Variants in STIM1 observed in about 807,000 individuals in gnomAD.
STIM1 encodes the protein stromal interaction molecule 1.
In STIM1, 25 loss-of-function variants were observed where a neutral mutation model predicts 74.7. The ratio of observed to expected loss-of-function variants is 0.33; its 90% CI spans 0.24 to 0.47. The LOEUF (loss-of-function observed/expected upper bound fraction) is 0.47. Ranked by LOEUF, STIM1 falls within the 20% of genes least tolerant of loss-of-function variation. STIM1 has a pLI of 1.00. For synonymous variants in STIM1, 328 were observed against 348.8 expected, an observed-to-expected ratio of 0.94 and a Z score of 0.66; for missense variants, 728 against 920.8, an observed-to-expected ratio of 0.79 and a Z score of 2.71.
chr11:3,865,604 A>G (rs553314658), intron 1 of STIM1, among the ~76,000 whole-genome samples: 38 of 152,172 alleles, frequency 2.5e-4, no homozygotes, highest in Non-Finnish European at 4.4e-4. Flanking sequence ...TATGCACCCT[A>G]TACCACTCTC....
chr11:4,009,817 A>T (rs1035797613), intron 2 of STIM1, among the ~76,000 whole-genome samples: 5 of 151,812 alleles, frequency 3.3e-5, no homozygotes, highest in Admixed American at 2.0e-4. Context: ...GTGGCTAGAT[A>T]TTTTTATTTT....
intron 1 of STIM1, among the ~76,000 whole-genome samples, chr11:3,866,003 T>G (rs1483706700): frequency 6.6e-6 from 1 of 152,182 alleles, no homozygotes; most frequent in Non-Finnish European, 1.5e-5. Flanking sequence ...GCACTTAAAC[T>G]TTTGTTTTCT....
At chr11:4,087,456 A>G (rs992700082) in intron 12 of STIM1, among the ~76,000 whole-genome samples, 3 of 152,168 alleles carry the variant, frequency 2.0e-5, no homozygotes, top group Non-Finnish European at 4.4e-5. Flanking sequence ...CTGTATGCAG[A>G]GACATGGAGA....
chr11:3,972,458 ATTTCT>A (rs1740645125), intron 2 of STIM1, among the ~76,000 whole-genome samples: 1 of 151,920 alleles, frequency 6.6e-6, no homozygotes, highest in Admixed American at 6.6e-5. Context: ...ATTCATTTTC[ATTTCT>A]TTTTTTTATA....
chr11:4,090,075 G>A (rs1433216907), intron 12 of STIM1, among the ~76,000 whole-genome samples: 1 of 152,120 alleles, frequency 6.6e-6, no homozygotes, highest in Non-Finnish European at 1.5e-5. Flanking sequence ...TCCAGTGTGC[G>A]GTGGCATGTC....
chr11:3,984,795 T>C (rs1261786292), intron 2 of STIM1, among the ~76,000 whole-genome samples: 2 of 152,160 alleles, frequency 1.3e-5, no homozygotes, highest in East Asian at 3.8e-4. Flanking sequence ...TATAAAGTAA[T>C]GATGACAATA....
At chr11:3,894,101 T>C (rs1177548072) in intron 1 of STIM1, among the ~76,000 whole-genome samples, 2 of 151,920 alleles carry the variant, frequency 1.3e-5, no homozygotes, top group Non-Finnish European at 2.9e-5. Flanking sequence ...AAAAAGAGGG[T>C]TCCATTGTTT....
Position 4,091,911 on chromosome 11 carries a change from G to C in STIM1, c.*113G>C. 7.0e-7 allele frequency: 1 copy of C among 1,433,988 alleles called. No homozygotes were observed. 88.8% of individuals were successfully genotyped at this position (1,433,988 alleles called of 1,614,324 possible). Reference sequence around the variant, plus strand: ...CCAAGAGTGGGGCATGGGAAGGGCTGGTCCAGGGGTCTGGGCACTGTACAT... The same window carrying C: ...CCAAGAGTGGGGCATGGGAAGGGCTCGTCCAGGGGTCTGGGCACTGTACAT... On this transcript the variant is annotated 3_prime_UTR_variant, in exon 13 of 13. Transcript: ENST00000526596.
intron 3 of STIM1, among the ~76,000 whole-genome samples, chr11:4,030,079 G>A (rs546270935): frequency 3.7e-4 from 56 of 152,218 alleles, no homozygotes; most frequent in African/African-American, 1.3e-3. Flanking sequence ...TGTAATCCTA[G>A]CACTTTTGAG....
chr11:3,857,203 GGCAGCAGGAGC>G (rs2090418794), intron 1 of STIM1, among the ~76,000 whole-genome samples: 1 of 144,954 alleles, frequency 6.9e-6, no homozygotes, highest in Non-Finnish European at 1.5e-5. Flanking sequence ...AGGCTTATCA[GGCAGCAGGAGC>G]CCTGGTATAC....
intron 1 of STIM1, among the ~76,000 whole-genome samples, chr11:3,940,841 T>C (rs781331131): frequency 6.6e-6 from 1 of 152,216 alleles, no homozygotes; most frequent in Admixed American, 6.5e-5. Context: ...TTGGACTTTA[T>C]TTAAAAGAGA....
chr11:3,988,330 A>G (rs893698224), intron 2 of STIM1, among the ~76,000 whole-genome samples: 1 of 152,226 alleles, frequency 6.6e-6, no homozygotes, highest in Non-Finnish European at 1.5e-5. Context: ...CCTGCAAACT[A>G]AAAATGATTT....
At chr11:3,855,511 G>T (rs1565090297), upstream of STIM1, 1 of 151,896 alleles carries the variant, frequency 6.6e-6, no homozygotes, top group Non-Finnish European at 1.5e-5. Context: ...TAGGGGCGGG[G>T]ATTCCGGGGA....
chr11:4,058,925 A>G, intron 4 of STIM1: 3 of 1,129,540 alleles, frequency 2.7e-6, no homozygotes, highest in Non-Finnish European at 3.3e-6. Context: ...TGCACAGGAA[A>G]TGCATTTATA....
chr11:4,065,917 G>A (rs923443114), intron 5 of STIM1, among the ~76,000 whole-genome samples: 1 of 152,100 alleles, frequency 6.6e-6, no homozygotes, highest in Non-Finnish European at 1.5e-5. Context: ...AAGTGGACAG[G>A]GTGGAGAGAA....
chr11:4,064,433 G>C lies in STIM1; in HGVS notation c.613+5037G>C, dbSNP rs187021958. 2.2e-3 allele frequency among the ~76,000 whole-genome samples: 329 copies of C among 152,192 alleles called. 4 individuals carry two copies. The highest frequency in any genetic ancestry group is 7.6e-3 in the African/African-American group (314 of 41,490). On this transcript the variant is annotated intron_variant, in intron 5 of 12. Transcript: ENST00000526596. The stretch of plus-strand genomic sequence containing the variant: ...GGCTCTGACCTGTATTCTGAACTTA[G>C]GATGAGTTCTTAAGGCTGAGTGAGC...
At chr11:4,015,538 C>T (rs1305438027) in intron 2 of STIM1, among the ~76,000 whole-genome samples, 1 of 152,080 alleles carries the variant, frequency 6.6e-6, no homozygotes, top group Non-Finnish European at 1.5e-5. Flanking sequence ...TTGCTCTTCT[C>T]GAGGAGTATC....
chr11:3,881,964 G>A (rs952342159), intron 1 of STIM1, among the ~76,000 whole-genome samples: 1 of 151,934 alleles, frequency 6.6e-6, no homozygotes, highest in African/African-American at 2.4e-5. Flanking sequence ...GAGCCACGGC[G>A]CCCGGCCTTG....
intron 1 of STIM1, among the ~76,000 whole-genome samples, chr11:3,910,819 A>G (rs1261348815): frequency 1.2e-4 from 17 of 142,074 alleles, no homozygotes; most frequent in African/African-American, 3.3e-4. Flanking sequence ...TGTCTCTACT[A>G]AAAAAAAAAA....
Sources: allele counts gnomAD v4.1 joint callset (sites outside exome capture counted in the v4.1 genomes callset), GRCh38; gene constraint gnomAD v4.1.1; transcripts MANE v1.5; gene names NCBI Gene and HGNC (gene_info 2026-07-23, HGNC 2026-07-21).